The following MCTP1 variants were observed in gnomAD, a reference collection of about 807,000 sequenced individuals.
The protein encoded by MCTP1 is multiple C2 and transmembrane domain-containing protein 1.
Under a neutral mutation model 120.6 loss-of-function variants are expected in MCTP1, and 69 were observed. The ratio of observed to expected loss-of-function variants is 0.57; its 90% CI spans 0.47 to 0.70. MCTP1 has a LOEUF of 0.70. Among genes scored for constraint, MCTP1 ranks in the 30% least tolerant of loss-of-function variants. The pLI, the probability that MCTP1 is intolerant of heterozygous loss-of-function variation, is 0.00. For synonymous variants in MCTP1, 529 were observed against 493.1 expected (o/e 1.07, Z -0.96); for missense variants, 1,203 against 1,248.8 (o/e 0.96, Z 0.55).
intron 2 of MCTP1, among the ~76,000 whole-genome samples, chr5:94,978,409 C>A (rs1246862555): frequency 1.3e-5 from 2 of 152,110 alleles, no homozygotes; most frequent in African/African-American, 4.8e-5. Context: ...CTCCCATATT[C>A]ATTGCAACAC....
chr5:95,039,238 T>C (rs538235905), intron 1 of MCTP1, among the ~76,000 whole-genome samples: 1 of 152,314 alleles, frequency 6.6e-6, no homozygotes, highest in Non-Finnish European at 1.5e-5. Flanking sequence ...AAAAACAGAT[T>C]AGTATCTAAT....
intron 1 of MCTP1, among the ~76,000 whole-genome samples, chr5:95,213,604 C>G (rs1752667725): frequency 3.3e-5 from 5 of 151,942 alleles, no homozygotes; most frequent in Middle Eastern, 3.4e-3. Flanking sequence ...CACTACCTGA[C>G]TTCAAACTAT....
intron 19 of MCTP1, among the ~76,000 whole-genome samples, chr5:94,729,629 A>T (rs939514655): frequency 1.3e-5 from 2 of 152,236 alleles, no homozygotes; most frequent in Admixed American, 1.3e-4. Context: ...ACAAGCAAGA[A>T]CCAGCACAAG....
At chr5:95,007,779 C>T (rs181924887) in intron 2 of MCTP1, among the ~76,000 whole-genome samples, 1 of 152,272 alleles carries the variant, frequency 6.6e-6, no homozygotes, top group African/African-American at 2.4e-5. Context: ...TTTCCCATTC[C>T]CCAGGCTTTT....
chr5:95,076,102 T>A (rs1753493650), intron 1 of MCTP1, among the ~76,000 whole-genome samples: 1 of 152,142 alleles, frequency 6.6e-6, no homozygotes, highest in African/African-American at 2.4e-5. Context: ...ATACCTATGA[T>A]AAAGTTTAAC....
intron 1 of MCTP1, among the ~76,000 whole-genome samples, chr5:95,194,053 A>G (rs1249481347): frequency 6.6e-6 from 1 of 152,066 alleles, no homozygotes; most frequent in Non-Finnish European, 1.5e-5. Context: ...TCTACAAAAA[A>G]ATAACATAAA....
At chr5:95,021,322 C>T (rs1314391515) in intron 1 of MCTP1, among the ~76,000 whole-genome samples, 1 of 151,964 alleles carries the variant, frequency 6.6e-6, no homozygotes, top group Non-Finnish European at 1.5e-5. Flanking sequence ...AGTAAGCACT[C>T]AATAAATGTT....
chr5:94,957,311 C>A (rs965838598), intron 2 of MCTP1, among the ~76,000 whole-genome samples: 2 of 152,138 alleles, frequency 1.3e-5, no homozygotes, highest in African/African-American at 4.8e-5. Context: ...TCCACAAAAA[C>A]AAACCGAGAT....
At chr5:95,047,680 C>G (rs997982360) in intron 1 of MCTP1, among the ~76,000 whole-genome samples, 1 of 152,066 alleles carries the variant, frequency 6.6e-6, no homozygotes, top group Admixed American at 6.6e-5. Flanking sequence ...TTTTAGTAGT[C>G]TAATGCCTAG....
chr5:94,851,485 AT>A (rs1192092434), intron 17 of MCTP1, among the ~76,000 whole-genome samples: 2 of 152,046 alleles, frequency 1.3e-5, no homozygotes, highest in African/African-American at 4.8e-5. Context: ...CATCTTTAAT[AT>A]TGCTATTTAT....
chr5:95,001,839 G>T (rs936308202), intron 2 of MCTP1, among the ~76,000 whole-genome samples: 8 of 152,206 alleles, frequency 5.3e-5, no homozygotes, highest in African/African-American at 1.9e-4. Context: ...GTAACGAGGA[G>T]CCAAATGTTA....
At chr5:94,928,878 G>A (rs1813825172) in intron 6 of MCTP1, among the ~76,000 whole-genome samples, 1 of 152,030 alleles carries the variant, frequency 6.6e-6, no homozygotes, top group African/African-American at 2.4e-5. Context: ...ACAGCAATTA[G>A]GATCTCCCTG....
chr5:94,923,883 C>G (rs544286775), intron 7 of MCTP1, 79 bp downstream of exon 7: 11 of 815,034 alleles, frequency 1.3e-5, no homozygotes, highest in Non-Finnish European at 2.2e-5. Flanking sequence ...AAATGAAACT[C>G]TTAGTTGCCA....
intron 1 of MCTP1, among the ~76,000 whole-genome samples, chr5:95,049,522 C>T (rs776361726): frequency 9.9e-5 from 15 of 152,064 alleles, no homozygotes; most frequent in Non-Finnish European, 2.1e-4. Context: ...GAAACTAAAA[C>T]GTCTATAAAC....
At chr5:94,816,307 T>A (rs898395823) in intron 17 of MCTP1, among the ~76,000 whole-genome samples, 1 of 152,170 alleles carries the variant, frequency 6.6e-6, no homozygotes, top group Admixed American at 6.5e-5. Context: ...GAAGTGTGTA[T>A]CCATAAATAT....
intron 1 of MCTP1, among the ~76,000 whole-genome samples, chr5:95,099,988 T>C (rs1452717311): frequency 6.6e-6 from 1 of 151,402 alleles, no homozygotes; most frequent in African/African-American, 2.4e-5. Context: ...ATGGATGAAA[T>C]TGGAAATCAT....
chr5:95,263,840 C>T, intron 1 of MCTP1, among the ~76,000 whole-genome samples: 1 of 152,190 alleles, frequency 6.6e-6, no homozygotes, highest in East Asian at 1.9e-4. Context: ...TACTCAAGCT[C>T]TGGAAGACAG....
intron 19 of MCTP1, among the ~76,000 whole-genome samples, chr5:94,727,660 T>A (rs1762389415): frequency 6.6e-6 from 1 of 152,134 alleles, no homozygotes; most frequent in African/African-American, 2.4e-5. Context: ...TAAGAACAAA[T>A]CAGGATAAAA....
chr5:95,223,316 G>T (rs1427489555), intron 1 of MCTP1, among the ~76,000 whole-genome samples: 1 of 152,036 alleles, frequency 6.6e-6, no homozygotes, highest in Non-Finnish European at 1.5e-5. Context: ...GCCAGGCATG[G>T]TGGTGCATGC....
Sources: allele counts gnomAD v4.1 joint callset (sites outside exome capture counted in the v4.1 genomes callset), GRCh38; gene constraint gnomAD v4.1.1; transcripts MANE v1.5; gene names NCBI Gene and HGNC (gene_info 2026-07-23, HGNC 2026-07-21).